The following RBFOX3 variants were observed in gnomAD, a reference collection of about 807,000 sequenced individuals.
The protein encoded by RBFOX3 is RNA binding protein fox-1 homolog 3.
RBFOX3 carries 17 observed loss-of-function variants against 48.7 expected under a neutral mutation model. The observed-to-expected ratio is 0.35, with a 90% CI of 0.24 to 0.52. The LOEUF (loss-of-function observed/expected upper bound fraction) is 0.52, where lower values mean the gene tolerates loss of function less well. Among genes scored for constraint, RBFOX3 ranks in the 20% least tolerant of loss-of-function variants. The probability of loss-of-function intolerance (pLI) is 0.94; values close to 1 mark genes in which losing one functional copy is unlikely to be tolerated. For missense variants in RBFOX3, 382 were observed against 497.5 expected (o/e 0.77, Z 2.21); for synonymous variants, 212 against 209.5 (o/e 1.01, Z -0.10).
At position 79,115,489 on chromosome 17, in the gene RBFOX3, C is replaced by T; in HGVS notation, c.222+5G>A. The T allele has an allele frequency of 7.6e-7, 1 of 1,322,220 alleles. No individual in the cohort carries two copies. Among genetic ancestry groups the T allele is most frequent in the South Asian group, 2.3e-5 (1 of 43,914 alleles). The allele number at this position is 1,322,220 out of a possible 1,614,324, so 81.9% of individuals were successfully genotyped here. ...GGCTGGGCCTGGGGTCGTGGGGGCCCTTACCGGCACTGTCTGGGTCCCGGC... is the reference window on the plus strand; with the variant it reads ...GGCTGGGCCTGGGGTCGTGGGGGCCTTTACCGGCACTGTCTGGGTCCCGGC... On this transcript the variant is annotated splice_donor_5th_base_variant and intron_variant, in intron 5 of 14. Coordinates refer to ENST00000693108, the MANE Select transcript of RBFOX3 (RefSeq NM_001350451.2).
At chr17:79,219,922 C>G (rs2059513010) in intron 4 of RBFOX3, among the ~76,000 whole-genome samples, 1 of 150,694 alleles carries the variant, frequency 6.6e-6, no homozygotes, top group South Asian at 2.1e-4. Context: ...CTGGGCCCAG[C>G]CCCCTGTCCC....
chr17:79,275,786 C>T (rs72848016), intron 3 of RBFOX3, among the ~76,000 whole-genome samples: 3,580 of 152,276 alleles, frequency 0.024, 42 homozygotes, highest in Non-Finnish European at 0.031. Context: ...AGGAGGCCCT[C>T]GGGCTGGGCT....
intron 2 of RBFOX3, among the ~76,000 whole-genome samples, chr17:79,347,854 T>TA (rs528792025): frequency 3.3e-5 from 5 of 152,056 alleles, no homozygotes; most frequent in East Asian, 1.9e-4. Flanking sequence ...TTTGTTGCCT[T>TA]AAAAAAAATG....
At chr17:79,653,883 C>CAA in the RBFOX3 span, among the ~76,000 whole-genome samples, 1,221 of 66,498 alleles carry the variant, frequency 0.018, 31 homozygotes, top group African/African-American at 0.057. Context: ...TCTCTACCAC[C>CAA]AAAAAAAAAA....
At chr17:79,506,616 C>T (rs1255623790) in intron 1 of RBFOX3, among the ~76,000 whole-genome samples, 3 of 152,194 alleles carry the variant, frequency 2.0e-5, no homozygotes, top group Non-Finnish European at 2.9e-5. Context: ...GAGGAAAGAG[C>T]CAAGGAAGCC....
At chr17:79,144,367 G>A (rs1466080807) in intron 4 of RBFOX3, among the ~76,000 whole-genome samples, 3 of 142,950 alleles carry the variant, frequency 2.1e-5, no homozygotes, top group Admixed American at 7.0e-5. Context: ...CAGAGTAGGC[G>A]GGAGACGCCT....
At chr17:79,132,504 C>T (rs2039186138) in intron 4 of RBFOX3, among the ~76,000 whole-genome samples, 1 of 152,160 alleles carries the variant, frequency 6.6e-6, no homozygotes, top group Admixed American at 6.5e-5. Flanking sequence ...CGGCTCCCCT[C>T]GGAGCCAACA....
At chr17:79,228,062 C>T (rs753478992) in intron 4 of RBFOX3, among the ~76,000 whole-genome samples, 3 of 152,196 alleles carry the variant, frequency 2.0e-5, no homozygotes, top group Non-Finnish European at 2.9e-5. Flanking sequence ...TGGCCAGGGA[C>T]GCATGTCTTC....
chr17:79,338,236 G>C (rs555650643), intron 2 of RBFOX3, among the ~76,000 whole-genome samples: 195 of 152,258 alleles, frequency 1.3e-3, no homozygotes, highest in African/African-American at 4.6e-3. Context: ...ACCGCGCCTG[G>C]CCTTCTCCAG....
At chr17:79,208,666 G>GGCAAAA (rs2057889590) in intron 4 of RBFOX3, 1 of 156,070 alleles carries the variant, frequency 6.4e-6, no homozygotes, top group Non-Finnish European at 1.4e-5. Flanking sequence ...CAGAGGCAGA[G>GGCAAAA]GCAGAGGGGA....
intron 3 of RBFOX3, among the ~76,000 whole-genome samples, chr17:79,260,820 C>T (rs920654541): frequency 9.2e-5 from 14 of 152,192 alleles, no homozygotes; most frequent in Non-Finnish European, 1.6e-4. Flanking sequence ...AGAGCAACTC[C>T]AAAGTCCTTT....
At chr17:79,347,989 C>T (rs570483809) in intron 2 of RBFOX3, among the ~76,000 whole-genome samples, 8 of 152,250 alleles carry the variant, frequency 5.3e-5, no homozygotes, top group South Asian at 4.1e-4. Context: ...TCTCAGAGAG[C>T]GGTGGGTGAA....
At chr17:79,106,582 G>A in intron 6 of RBFOX3, 69 bp downstream of exon 6, 1 of 1,390,218 alleles carries the variant, frequency 7.2e-7, no homozygotes, top group Non-Finnish European at 9.3e-7. Flanking sequence ...GGAAGGCAGG[G>A]CCTGTGGGCG....
At chr17:79,579,823 G>A (rs1158199766) in intron 1 of RBFOX3, among the ~76,000 whole-genome samples, 3 of 138,874 alleles carry the variant, frequency 2.2e-5, no homozygotes. Context: ...CACTGGCGCT[G>A]TGGTGGGGAG....
intron 4 of RBFOX3, among the ~76,000 whole-genome samples, chr17:79,221,633 C>T (rs189688862): frequency 2.4e-4 from 37 of 152,320 alleles, no homozygotes; most frequent in African/African-American, 8.2e-4. Flanking sequence ...AATTCATGAT[C>T]GTCTTCAGTG....
chr17:79,557,426 G>C (rs1644496867), intron 1 of RBFOX3, among the ~76,000 whole-genome samples: 2 of 136,844 alleles, frequency 1.5e-5, no homozygotes. Flanking sequence ...GAAAACCCAA[G>C]TCCAGTCTAC....
chr17:79,119,681 C>G (rs2035160816), intron 4 of RBFOX3, among the ~76,000 whole-genome samples: 1 of 152,166 alleles, frequency 6.6e-6, no homozygotes. Flanking sequence ...AGAGCCTGGA[C>G]AGAGGAAATG....
chr17:79,206,708 T>C (rs2057540262), intron 4 of RBFOX3, among the ~76,000 whole-genome samples: 1 of 152,162 alleles, frequency 6.6e-6, no homozygotes, highest in Non-Finnish European at 1.5e-5. Context: ...GGAACAAACC[T>C]GAATGTGCCG....
At chr17:79,186,482 G>T (rs769146766) in intron 4 of RBFOX3, among the ~76,000 whole-genome samples, 1 of 152,138 alleles carries the variant, frequency 6.6e-6, no homozygotes, top group Non-Finnish European at 1.5e-5. Flanking sequence ...GCACCAGGGC[G>T]GTACGAAGCT....
Sources: allele counts gnomAD v4.1 joint callset (sites outside exome capture counted in the v4.1 genomes callset), GRCh38; gene constraint gnomAD v4.1.1; transcripts MANE v1.5; gene names NCBI Gene and HGNC (gene_info 2026-07-23, HGNC 2026-07-21).